DSCAM: variants seen among roughly 807,000 people sequenced by gnomAD.
The protein encoded by DSCAM is cell adhesion molecule DSCAM.
DSCAM carries 47 observed loss-of-function variants against 217.7 expected under a neutral mutation model. The ratio of observed to expected loss-of-function variants is 0.22; its 90% CI spans 0.17 to 0.28. DSCAM has a LOEUF of 0.28. Ranked by LOEUF, DSCAM falls within the 10% of genes least tolerant of loss-of-function variation. DSCAM has a pLI of 1.00. For synonymous variants in DSCAM, 1,056 were observed against 1,015.3 expected, an observed-to-expected ratio of 1.04 and a Z score of -0.76; for missense variants, 2,080 against 2,618.3, an observed-to-expected ratio of 0.79 and a Z score of 4.49.
At chr21:40,733,347 T>C (rs1453393390) in intron 1 of DSCAM, among the ~76,000 whole-genome samples, 2 of 152,196 alleles carry the variant, frequency 1.3e-5, no homozygotes, top group Non-Finnish European at 2.9e-5. Context: ...CAGTCTACTT[T>C]TTGGTGAGAC....
intron 11 of DSCAM, among the ~76,000 whole-genome samples, chr21:40,260,749 T>C (rs896948578): frequency 3.9e-5 from 6 of 152,226 alleles, no homozygotes; most frequent in African/African-American, 1.4e-4. Context: ...TAGTGGCCCT[T>C]GATGAAAGCA....
At chr21:40,474,597 C>T (rs969609156) in intron 3 of DSCAM, among the ~76,000 whole-genome samples, 5 of 152,152 alleles carry the variant, frequency 3.3e-5, no homozygotes, top group African/African-American at 1.2e-4. Context: ...CTGGGGCTCC[C>T]GCAGAGCAGA....
chr21:40,799,976 C>A (rs2091725073), intron 1 of DSCAM, among the ~76,000 whole-genome samples: 1 of 152,124 alleles, frequency 6.6e-6, no homozygotes, highest in African/African-American at 2.4e-5. Flanking sequence ...GAAATGTGGA[C>A]TTTTAAGAGG....
chr21:40,675,996 T>G (rs1240612469), intron 3 of DSCAM, among the ~76,000 whole-genome samples: 1 of 152,236 alleles, frequency 6.6e-6, no homozygotes, highest in African/African-American at 2.4e-5. Context: ...TAGAAGTCAC[T>G]ATGAATATAT....
intron 1 of DSCAM, among the ~76,000 whole-genome samples, chr21:40,835,988 GCAAATGACC>G (rs1019833006): frequency 2.0e-4 from 30 of 152,160 alleles, no homozygotes; most frequent in African/African-American, 7.2e-4. Flanking sequence ...ATCCAACAGA[GCAAATGACC>G]CAAAGCCCTT....
At chr21:40,015,156 T>C (rs1259830827) in intron 32 of DSCAM, among the ~76,000 whole-genome samples, 1 of 152,218 alleles carries the variant, frequency 6.6e-6, no homozygotes, top group Non-Finnish European at 1.5e-5. Context: ...ATTTTGCTCT[T>C]TCTCCTGAGC....
At chr21:40,255,909 G>A (rs2073363918) in intron 11 of DSCAM, among the ~76,000 whole-genome samples, 1 of 152,192 alleles carries the variant, frequency 6.6e-6, no homozygotes, top group African/African-American at 2.4e-5. Flanking sequence ...CCAGTAAGAG[G>A]AGCACAGTGC....
chr21:40,127,144 TA>T (rs2090102789), intron 19 of DSCAM, among the ~76,000 whole-genome samples: 1 of 152,218 alleles, frequency 6.6e-6, no homozygotes, highest in South Asian at 2.1e-4. Flanking sequence ...TTATAAGAGA[TA>T]ATTCATGTAA....
rs141509820 is a variant in DSCAM, at chr21:40,442,941, G to A, written c.509-73696C>T. On this transcript the variant is annotated intron_variant, in intron 3 of 32. Coordinates refer to ENST00000400454, the MANE Select transcript of DSCAM (RefSeq NM_001389.5). ...ATGTGTTCATGTGTATGCATGTGTGGATGGACATGAAACAAAAGCATACAA... is the reference window on the plus strand; with the variant it reads ...ATGTGTTCATGTGTATGCATGTGTGAATGGACATGAAACAAAAGCATACAA... 1.6e-3 allele frequency among the ~76,000 whole-genome samples: 249 copies of A among 152,248 alleles called. 1 individual carries two copies. Among genetic ancestry groups the A allele is most frequent in the Non-Finnish European group, 1.8e-3 (125 of 68,024 alleles).
chr21:40,487,890 A>T (rs2076043571), intron 3 of DSCAM, among the ~76,000 whole-genome samples: 1 of 152,232 alleles, frequency 6.6e-6, no homozygotes, highest in Non-Finnish European at 1.5e-5. Context: ...CATAGTGAAG[A>T]GGCCATTGCC....
intron 3 of DSCAM, among the ~76,000 whole-genome samples, chr21:40,507,785 C>T (rs948099800): frequency 5.3e-5 from 8 of 152,152 alleles, no homozygotes; most frequent in Non-Finnish European, 1.0e-4. Flanking sequence ...AAGACTCTGT[C>T]TCAAAAAAAT....
chr21:40,598,202 G>A lies in DSCAM; in HGVS notation c.508+94608C>T, dbSNP rs115317181. Among the ~76,000 whole-genome samples the A allele has an allele frequency of 2.8e-3, 433 of 152,246 alleles. 1 individual carries two copies. The highest frequency in any genetic ancestry group is 9.5e-3 in the African/African-American group (396 of 41,548). Reference sequence around the variant, plus strand: ...ATGTCATATGGTTGGATCCACATACGATGTGGCTTTTTCAGACTTGCTTTC... The same window carrying A: ...ATGTCATATGGTTGGATCCACATACAATGTGGCTTTTTCAGACTTGCTTTC... On this transcript the variant is annotated intron_variant, in intron 3 of 32. Transcript: ENST00000400454.
intron 15 of DSCAM, among the ~76,000 whole-genome samples, chr21:40,174,871 GC>G (rs981149540): frequency 5.3e-5 from 8 of 152,188 alleles, no homozygotes; most frequent in Non-Finnish European, 7.3e-5. Flanking sequence ...CCTGGGACAT[GC>G]CCTATTCCAT....
chr21:40,664,426 T>G (rs183601401), intron 3 of DSCAM, among the ~76,000 whole-genome samples: 4 of 152,318 alleles, frequency 2.6e-5, no homozygotes, highest in Non-Finnish European at 5.9e-5. Flanking sequence ...GGGATGAAGT[T>G]GCAGATCACT....
chr21:40,498,858 CATATT>C (rs1190468715), intron 3 of DSCAM, among the ~76,000 whole-genome samples: 1 of 134,228 alleles, frequency 7.5e-6, no homozygotes, highest in Non-Finnish European at 1.6e-5. Context: ...AAATATGGTA[CATATT>C]ATAAGAGAGT....
intron 3 of DSCAM, among the ~76,000 whole-genome samples, chr21:40,466,117 G>C (rs2075843278): frequency 6.6e-6 from 1 of 152,190 alleles, no homozygotes; most frequent in Non-Finnish European, 1.5e-5. Context: ...TCCCATCTGT[G>C]ATTCTAAATT....
In DSCAM at chr21:40,487,241, CTCTCTCTT is replaced by C. The variant is rs375016246; in HGVS notation, c.509-118004_509-117997del. Among the ~76,000 whole-genome samples the C allele has an allele frequency of 2.0e-5, 3 of 148,418 alleles. 1 individual carries two copies. The highest frequency in any genetic ancestry group is 2.0e-4 in the Admixed American group (3 of 14,898). On this transcript the variant is annotated intron_variant, in intron 3 of 32. Coordinates refer to ENST00000400454, the MANE Select transcript of DSCAM (RefSeq NM_001389.5). ...CTCTCTATAACCTGTAACTCTCTCTCTCTCTCTTTCTCTCCCTCTCTCTCTCTCTCTCT... is the reference window on the plus strand; with the variant it reads ...CTCTCTATAACCTGTAACTCTCTCTCTCTCTCCCTCTCTCTCTCTCTCTCT...
chr21:40,222,639 T>C (rs1417869078), intron 11 of DSCAM, among the ~76,000 whole-genome samples: 3 of 152,060 alleles, frequency 2.0e-5, no homozygotes, highest in South Asian at 2.1e-4. Flanking sequence ...TTTCAAAAAA[T>C]GTAAAATAAT....
At chr21:40,233,326 A>G (rs2091398308) in intron 11 of DSCAM, among the ~76,000 whole-genome samples, 1 of 152,242 alleles carries the variant, frequency 6.6e-6, no homozygotes, top group Non-Finnish European at 1.5e-5. Flanking sequence ...AATATTTTAA[A>G]TATATTTTTT....
Sources: allele counts gnomAD v4.1 joint callset (sites outside exome capture counted in the v4.1 genomes callset), GRCh38; gene constraint gnomAD v4.1.1; transcripts MANE v1.5; gene names NCBI Gene and HGNC (gene_info 2026-07-23, HGNC 2026-07-21).